Variants in CTNNA2 observed in about 807,000 individuals in gnomAD.
CTNNA2 encodes catenin alpha-2.
In CTNNA2, 42 loss-of-function variants were observed where a neutral mutation model predicts 101.0. The ratio of observed to expected loss-of-function variants is 0.42; its 90% CI spans 0.32 to 0.54. The LOEUF (loss-of-function observed/expected upper bound fraction) is 0.54, where lower values mean the gene tolerates loss of function less well. Among genes scored for constraint, CTNNA2 ranks in the 20% least tolerant of loss-of-function variants. The pLI is 0.14. For synonymous variants in CTNNA2, 450 were observed against 456.4 expected, an observed-to-expected ratio of 0.99 and a Z score of 0.18; for missense variants, 871 against 1,223.1, an observed-to-expected ratio of 0.71 and a Z score of 4.29.
chr2:80,156,330 C>T (rs553808808), intron 7 of CTNNA2, among the ~76,000 whole-genome samples: 1 of 152,308 alleles, frequency 6.6e-6, no homozygotes, highest in African/African-American at 2.4e-5. Context: ...TTTATGGTTT[C>T]TAATAATTGC....
intron 3 of CTNNA2, among the ~76,000 whole-genome samples, chr2:79,821,060 A>G (rs564580189): frequency 2.4e-4 from 37 of 152,336 alleles, no homozygotes; most frequent in African/African-American, 8.9e-4. Flanking sequence ...AAAATTGGTA[A>G]CTAAACATTT....
At chr2:79,740,285 G>A (rs1047254899) in intron 2 of CTNNA2, among the ~76,000 whole-genome samples, 5 of 152,102 alleles carry the variant, frequency 3.3e-5, no homozygotes, top group African/African-American at 1.2e-4. Context: ...GTTTGCTAAG[G>A]ATAATGTCCT....
chr2:79,286,415 T>G lies in CTNNA2; in HGVS notation c.-405-26294T>G, dbSNP rs555306533. On this transcript the variant is annotated intron_variant, in intron 2 of 21. Transcript: ENST00000466387. The stretch of plus-strand genomic sequence containing the variant: ...ACCAGTTGTTCCTTTCCATGTTTAG[T>G]GCTTCCTTCAGGAGCTCTTTTAGGG... 3.7e-4 allele frequency among the ~76,000 whole-genome samples: 56 copies of G among 152,242 alleles called. No homozygotes were observed. The East Asian group carries it at 0.01, about 28-fold the overall frequency.
At chr2:79,258,880 A>G (rs1573002656) in intron 2 of CTNNA2, among the ~76,000 whole-genome samples, 1 of 149,432 alleles carries the variant, frequency 6.7e-6, no homozygotes, top group African/African-American at 2.4e-5. Flanking sequence ...AAGGCAAACG[A>G]ATCTGATTGT....
At chr2:79,693,084 A>G (rs1684423746) in intron 2 of CTNNA2, among the ~76,000 whole-genome samples, 1 of 152,034 alleles carries the variant, frequency 6.6e-6, no homozygotes. Flanking sequence ...GACATGCCAT[A>G]ATTATAAAGA....
At chr2:79,887,167 G>A (rs1210262025) in intron 6 of CTNNA2, among the ~76,000 whole-genome samples, 3 of 151,898 alleles carry the variant, frequency 2.0e-5, no homozygotes, top group Non-Finnish European at 4.4e-5. Flanking sequence ...GCCGGGGGGA[G>A]AATGAGTTTG....
chr2:80,501,800 A>T (rs1687903022), intron 9 of CTNNA2, among the ~76,000 whole-genome samples: 1 of 152,130 alleles, frequency 6.6e-6, no homozygotes. Context: ...CTTACAAGAG[A>T]CCATCCATCC....
intron 6 of CTNNA2, among the ~76,000 whole-genome samples, chr2:79,894,849 G>C (rs573898156): frequency 1.2e-4 from 19 of 152,158 alleles, no homozygotes; most frequent in Non-Finnish European, 2.8e-4. Context: ...ACTTTCACAT[G>C]CACTTTTAGC....
intron 4 of CTNNA2, among the ~76,000 whole-genome samples, chr2:79,473,574 A>G (rs572497788): frequency 6.6e-6 from 1 of 152,180 alleles, no homozygotes; most frequent in African/African-American, 2.4e-5. Context: ...ATCAGAAATT[A>G]TGTGTGCTAG....
intron 7 of CTNNA2, among the ~76,000 whole-genome samples, chr2:79,987,605 A>G (rs1038670215): frequency 3.3e-5 from 5 of 152,192 alleles, no homozygotes; most frequent in African/African-American, 4.8e-5. Flanking sequence ...GAATTTCACT[A>G]ATTTCCTCAA....
chr2:79,601,940 C>T (rs1019726513), intron 1 of CTNNA2, among the ~76,000 whole-genome samples: 1 of 152,196 alleles, frequency 6.6e-6, no homozygotes, highest in African/African-American at 2.4e-5. Flanking sequence ...GCTCAGAACA[C>T]TCGTGTTAGC....
At chr2:80,623,168 G>T (rs140666269) in intron 18 of CTNNA2, among the ~76,000 whole-genome samples, 74 of 151,030 alleles carry the variant, frequency 4.9e-4, no homozygotes, top group African/African-American at 1.7e-3. Flanking sequence ...GGTCATTTTA[G>T]AAATAAAGCA....
At chr2:80,248,323 C>G (rs77980160) in intron 7 of CTNNA2, among the ~76,000 whole-genome samples, 7,980 of 152,170 alleles carry the variant, frequency 0.052, 413 homozygotes, top group South Asian at 0.28. Flanking sequence ...ACAAATTCTT[C>G]TTGTTGTTTC....
chr2:79,743,275 A>G (rs1245311049), intron 2 of CTNNA2, among the ~76,000 whole-genome samples: 4 of 152,312 alleles, frequency 2.6e-5, no homozygotes, highest in South Asian at 2.1e-4. Flanking sequence ...CTGGTAGAAA[A>G]TAAAGGTTCA....
intron 2 of CTNNA2, among the ~76,000 whole-genome samples, chr2:79,696,977 A>G (rs1460101837): frequency 6.6e-6 from 1 of 151,960 alleles, no homozygotes; most frequent in Non-Finnish European, 1.5e-5. Context: ...CACAGATCTA[A>G]AAATTATAAA....
chr2:80,455,708 G>A (rs769352775), intron 9 of CTNNA2, among the ~76,000 whole-genome samples: 10 of 152,120 alleles, frequency 6.6e-5, no homozygotes, highest in South Asian at 2.1e-4. Flanking sequence ...TGTGCTGTCC[G>A]TGCGACCTTT....
At chr2:79,449,979 T>G (rs542311883) in intron 4 of CTNNA2, among the ~76,000 whole-genome samples, 115 of 152,106 alleles carry the variant, frequency 7.6e-4, no homozygotes, top group African/African-American at 2.6e-3. Context: ...TCTATTCCAG[T>G]TTCTTCCAGT....
intron 1 of CTNNA2, among the ~76,000 whole-genome samples, chr2:79,623,727 C>G: frequency 6.6e-6 from 1 of 151,974 alleles, no homozygotes; most frequent in Non-Finnish European, 1.5e-5. Flanking sequence ...TGTGTACAGT[C>G]TATAAATATT....
At chr2:79,248,887 G>A (rs146367725) in intron 2 of CTNNA2, among the ~76,000 whole-genome samples, 1,736 of 152,128 alleles carry the variant, frequency 0.011, 13 homozygotes, top group Non-Finnish European at 0.016. Context: ...AAATGTTTTC[G>A]TCTTTCAGTT....
Sources: gnomAD v4.1 joint callset for allele counts (sites outside exome capture counted in the v4.1 genomes callset) on GRCh38, gnomAD v4.1.1 for gene constraint, MANE v1.5 for transcripts, NCBI Gene and HGNC (gene_info 2026-07-23, HGNC 2026-07-21) for gene names.